VWF: variants seen among roughly 807,000 people sequenced by gnomAD.
VWF encodes the protein von Willebrand factor, also known as Factor VIII related antigen.
In VWF, 176 loss-of-function variants were observed where a neutral mutation model predicts 308.6. That is an observed-to-expected ratio of 0.57 (90% CI 0.50 to 0.65). The LOEUF (loss-of-function observed/expected upper bound fraction) is 0.65. VWF is among the 30% of genes least tolerant of loss of function. VWF has a pLI of 0.00. For synonymous variants in VWF, 1,385 were observed against 1,443.4 expected (o/e 0.96, Z 0.92); for missense variants, 3,146 against 3,648.2 (o/e 0.86, Z 3.55).
chr12:6,004,770 A>G (rs1260845897), intron 34 of VWF, among the ~76,000 whole-genome samples: 1 of 151,746 alleles, frequency 6.6e-6, no homozygotes, highest in Non-Finnish European at 1.5e-5. Context: ...CTTTATATAC[A>G]CAAATAATAA....
intron 18 of VWF, among the ~76,000 whole-genome samples, chr12:6,037,983 C>T (rs1451481962): frequency 6.6e-6 from 1 of 152,162 alleles, no homozygotes; most frequent in Admixed American, 6.5e-5. Flanking sequence ...GAGGTGTTCC[C>T]GCATCTCTGG....
At chr12:5,999,898 C>T (rs1943851786) in intron 34 of VWF, among the ~76,000 whole-genome samples, 1 of 151,148 alleles carries the variant, frequency 6.6e-6, no homozygotes, top group Non-Finnish European at 1.5e-5. Flanking sequence ...GAAATAAAGA[C>T]TAAATTATAA....
intron 6 of VWF, among the ~76,000 whole-genome samples, chr12:6,092,563 AGT>A (rs1180304207): frequency 4.9e-5 from 7 of 142,264 alleles, no homozygotes; most frequent in South Asian, 2.2e-4. Context: ...ATGCCCAGCT[AGT>A]GTGTGTGCGT....
intron 40 of VWF, among the ~76,000 whole-genome samples, chr12:5,983,681 G>A (rs1342377668): frequency 6.7e-6 from 1 of 148,606 alleles, no homozygotes; most frequent in Non-Finnish European, 1.5e-5. Flanking sequence ...ATAGATGATA[G>A]ATACATAGGT....
At chr12:5,980,809 T>A (rs1470132390) in intron 42 of VWF, among the ~76,000 whole-genome samples, 1 of 152,204 alleles carries the variant, frequency 6.6e-6, no homozygotes, top group African/African-American at 2.4e-5. Flanking sequence ...AGCTTGTCTG[T>A]CATTCATGTC....
In VWF at chr12:6,110,848, C is replaced by CA; in HGVS notation, c.323+17dup. On this transcript the variant is annotated intron_variant, in intron 4 of 51. Transcript: ENST00000261405. The stretch of plus-strand genomic sequence containing the variant: ...GGGATCCCTAGGGTCCTTTCTAACT[C>CA]AGACATTGTTGGCTTACCTTTGGTC... 6.2e-7 allele frequency: 1 copy of CA among 1,612,448 alleles called. No individual in the cohort carries two copies. Among genetic ancestry groups the CA allele is most frequent in the East Asian group, 2.2e-5 (1 of 44,874 alleles).
At chr12:5,966,451 C>T (rs936328449) in intron 47 of VWF, among the ~76,000 whole-genome samples, 3 of 152,176 alleles carry the variant, frequency 2.0e-5, no homozygotes, top group Non-Finnish European at 4.4e-5. Flanking sequence ...CTCCTACAGA[C>T]CCATCCGCTC....
Position 6,024,794 on chromosome 12 carries a change from TGGGTA to T in VWF, c.3222+781_3222+785del, listed in dbSNP as rs1944171452. On this transcript the variant is annotated intron_variant, in intron 24 of 51. Transcript: ENST00000261405. The surrounding 1 kb of genome is among the most constrained non-coding windows in gnomAD (Gnocchi z 4.0). ...ATCCCAGCACTTTGGGAGGCCGAGG[TGGGTA>T]GATCACCTGAGTCAGGAGTTCAAGG... Among the ~76,000 whole-genome samples, 1 of 152,092 alleles carries T rather than the reference TGGGTA, an allele frequency of 6.6e-6. No homozygotes were observed. Among genetic ancestry groups the T allele is most frequent in the Admixed American group, 6.6e-5 (1 of 15,264 alleles).
chr12:6,010,708 T>C (rs911800816), intron 34 of VWF, among the ~76,000 whole-genome samples: 2 of 152,226 alleles, frequency 1.3e-5, no homozygotes, highest in African/African-American at 4.8e-5. Flanking sequence ...ATTTCCAGGA[T>C]ATGCTTTTAA....
At chr12:5,958,270 T>G (rs948537054) in intron 47 of VWF, among the ~76,000 whole-genome samples, 1 of 152,240 alleles carries the variant, frequency 6.6e-6, no homozygotes, top group Non-Finnish European at 1.5e-5. Context: ...CTTTAGATTT[T>G]AAAAAGCAAA....
At chr12:6,042,778 T>C (rs1304109250) in intron 18 of VWF, among the ~76,000 whole-genome samples, 1 of 152,248 alleles carries the variant, frequency 6.6e-6, no homozygotes, top group Non-Finnish European at 1.5e-5. Context: ...ATATAATTAT[T>C]GTGGTTACTA....
At chr12:5,987,842 G>C (rs1943696670) in intron 38 of VWF, among the ~76,000 whole-genome samples, 1 of 152,148 alleles carries the variant, frequency 6.6e-6, no homozygotes, top group African/African-American at 2.4e-5. Flanking sequence ...AGGGTTGAGG[G>C]ATATATTTAA....
chr12:6,075,660 G>T lies in VWF; in HGVS notation c.658-109C>A. 1 of 1,215,138 alleles carries T rather than the reference G, an allele frequency of 8.2e-7. No individual in the cohort carries two copies. The highest frequency in any genetic ancestry group is 1.2e-6 in the Non-Finnish European group (1 of 844,592). 75.3% of individuals were successfully genotyped at this position (1,215,138 alleles called of 1,614,324 possible). A position where few individuals can be genotyped will look rare whatever the true frequency, so the allele number is the denominator to read the frequency against. On this transcript the variant is annotated intron_variant, in intron 6 of 51. Coordinates refer to ENST00000261405, the MANE Select transcript of VWF (RefSeq NM_000552.5). The surrounding 1 kb of genome is among the most constrained non-coding windows in gnomAD (Gnocchi z 4.7). ...ACCAAGGCAGCTCCCTCAGCACCTG[G>T]GACAGGCTGGCACCAAGCACATGCA...
At chr12:6,017,274 C>T (rs1413817492) in intron 28 of VWF, among the ~76,000 whole-genome samples, 1 of 152,220 alleles carries the variant, frequency 6.6e-6, no homozygotes, top group Admixed American at 6.5e-5. Context: ...CAATGAGCTG[C>T]TGTGTCCTCA....
chr12:6,123,573 C>T (rs933894810), intron 1 of VWF, among the ~76,000 whole-genome samples: 2 of 152,268 alleles, frequency 1.3e-5, no homozygotes, highest in African/African-American at 2.4e-5. Flanking sequence ...TCCAAACTGG[C>T]GAGTAGGAAC....
chr12:6,000,974 T>C (rs1943867100), intron 34 of VWF, among the ~76,000 whole-genome samples: 2 of 152,114 alleles, frequency 1.3e-5, no homozygotes, highest in African/African-American at 2.4e-5. Context: ...GCAAATGTTA[T>C]ATGCTGTGAC....
At chr12:6,027,666 G>A (rs11612370) in intron 22 of VWF, among the ~76,000 whole-genome samples, 42,916 of 151,916 alleles carry the variant, frequency 0.28, 6,831 homozygotes, top group African/African-American at 0.42. Context: ...GGCAGCCTCC[G>A]GAATGTAAAA....
chr12:5,952,561 G>T, intron 48 of VWF, 42 bp from the exon 49 acceptor site: 3 of 1,606,478 alleles, frequency 1.9e-6, no homozygotes, highest in East Asian at 2.2e-5. Flanking sequence ...GACAGTGTTT[G>T]GTTCACAAAG....
At position 6,110,412 on chromosome 12, in the gene VWF, A is replaced by C; in HGVS notation, c.494T>G (p.Phe165Cys). The change falls in exon 5 of 52, where the codon TTT becomes TGT. Residue 165 changes from phenylalanine to cysteine, a missense_variant. Transcript: ENST00000261405. ...AAAGTCATCTTCAGCAAAGATGTTA[A>C]AGTTGCCACACAGCCCGCAGGTCTT... is the stretch of plus-strand genomic sequence containing the variant. ...FNKTCGLCGN[F>C]NIFAEDDFMT... 2 of 1,614,204 alleles carry C rather than the reference A, an allele frequency of 1.2e-6. No individual in the cohort carries two copies. Among genetic ancestry groups the C allele is most frequent in the African/African-American group, 1.3e-5 (1 of 75,056 alleles).
Sources: gnomAD v4.1 joint callset for allele counts (sites outside exome capture counted in the v4.1 genomes callset) on GRCh38, gnomAD v4.1.1 for gene constraint, Gnocchi (gnomAD v3.1) non-coding constraint, MANE v1.5 for transcripts, NCBI Gene and HGNC (gene_info 2026-07-23, HGNC 2026-07-21) for gene names.